The following ACVR2B variants were observed in gnomAD, a reference collection of about 807,000 sequenced individuals.
ACVR2B encodes the protein activin receptor type-2B.
Under a neutral mutation model 65.1 loss-of-function variants are expected in ACVR2B, and 18 were observed. The observed-to-expected ratio is 0.28, with a 90% CI of 0.19 to 0.41. The LOEUF (loss-of-function observed/expected upper bound fraction) is 0.41, where lower values mean the gene tolerates loss of function less well. ACVR2B is among the 10% of genes least tolerant of loss of function. The pLI is 1.00. For synonymous variants in ACVR2B, 298 were observed against 277.7 expected (o/e 1.07, Z -0.73); for missense variants, 482 against 682.7 (o/e 0.71, Z 3.28).
chr3:38,477,367 G>C lies in ACVR2B; in HGVS notation c.133G>C (p.Gly45Arg), dbSNP rs1709929639. 2 of 1,614,160 alleles carry C rather than the reference G, an allele frequency of 1.2e-6. No homozygotes were observed. Among genetic ancestry groups the C allele is most frequent in the Non-Finnish European group, 1.7e-6 (2 of 1,180,016 alleles). Residue 45 changes from glycine (G) to arginine (R), a missense_variant, in exon 2 of 11, where the codon GGC (glycine) becomes CGC (arginine). By Grantham distance (125) the Gly-to-Arg change is moderately radical (BLOSUM62 -2). Around this residue, in one of 5 missense-constraint regions of ACVR2B, gnomAD observed 85 missense variants for 137.3 expected, o/e 0.62. Coordinates refer to ENST00000352511, the MANE Select transcript of ACVR2B (RefSeq NM_001106.4). This position sits in a 1 kb window ranked among gnomAD's most constrained non-coding sequence, Gnocchi z 6.7. ...GGAGCTGGAGCGCACCAACCAGAGC[G>C]GCCTGGAGCGCTGCGAAGGCGAGCA... ...NWELERTNQS[G>R]LERCEGEQDK... is the part of the protein sequence containing the mutation.
In ACVR2B at chr3:38,483,682, C is replaced by T. The variant is rs989575413; in HGVS notation, c.*350C>T. 1.9e-5 allele frequency: 3 copies of T among 156,830 alleles called. No individual in the cohort carries two copies. Among genetic ancestry groups the T allele is most frequent in the East Asian group, 1.9e-4 (1 of 5,356 alleles). The allele number at this position is 156,830 out of a possible 1,614,324, so 9.7% of individuals were successfully genotyped here. A position where few individuals can be genotyped will look rare whatever the true frequency, so the allele number is the denominator to read the frequency against. On this transcript the variant is annotated 3_prime_UTR_variant, in exon 11 of 11. Transcript: ENST00000352511. This position sits in a 1 kb window ranked among gnomAD's most constrained non-coding sequence, Gnocchi z 4.8. ...TTTTTCCCGCTTTCTCTTTGTTTGT[C>T]GTCTCAGAATCTGTGACACAAAGAA...
At chr3:38,476,866 C>A in intron 1 of ACVR2B, 1 of 303,444 alleles carries the variant, frequency 3.3e-6, no homozygotes, top group South Asian at 3.9e-5. Flanking sequence ...TTCCGATGTG[C>A]ACTGGGGTTT....
In ACVR2B at chr3:38,490,104, G is replaced by A. The variant is rs920437732; in HGVS notation, c.*6772G>A. The stretch of plus-strand genomic sequence containing the variant: ...AAGCTCAGCATCACTGCCACAATAC[G>A]GAAAGTGGTCTTCATTTTAGCCTAT... On this transcript the variant is annotated 3_prime_UTR_variant, in exon 11 of 11. Transcript: ENST00000352511. 2 of 152,228 alleles carry A rather than the reference G, an allele frequency of 1.3e-5. No individual in the cohort carries two copies. The highest frequency in any genetic ancestry group is 2.4e-5 in the African/African-American group (1 of 41,428). 9.4% of individuals were successfully genotyped at this position (152,228 alleles called of 1,614,324 possible).
chr3:38,463,614 G>C (rs184694485), intron 1 of ACVR2B, among the ~76,000 whole-genome samples: 326 of 152,264 alleles, frequency 2.1e-3, no homozygotes, highest in African/African-American at 7.7e-3. Flanking sequence ...TTACTGTTAT[G>C]TTGGGATTCT....
rs1296408739 is a variant in ACVR2B, at chr3:38,488,615, C to T, written c.*5283C>T. On this transcript the variant is annotated 3_prime_UTR_variant, in exon 11 of 11. Coordinates refer to ENST00000352511, the MANE Select transcript of ACVR2B (RefSeq NM_001106.4). ...AATTTACCATTATTTAAATTATTACCAAGTTTTTACATTTTCATGATGGTA... is the reference window on the plus strand; with the variant it reads ...AATTTACCATTATTTAAATTATTACTAAGTTTTTACATTTTCATGATGGTA... 1 of 152,030 alleles carries T rather than the reference C, an allele frequency of 6.6e-6. No homozygotes were observed. Among genetic ancestry groups the T allele is most frequent in the Non-Finnish European group, 1.5e-5 (1 of 67,994 alleles). The allele number at this position is 152,030 out of a possible 1,614,324, so 9.4% of individuals were successfully genotyped here. A position where few individuals can be genotyped will look rare whatever the true frequency, so the allele number is the denominator to read the frequency against.
chr3:38,473,193 C>T (rs926449372), intron 1 of ACVR2B, among the ~76,000 whole-genome samples: 1 of 152,200 alleles, frequency 6.6e-6, no homozygotes, highest in South Asian at 2.1e-4. Flanking sequence ...TTTATTTCAG[C>T]TTCCTTTGGA....
chr3:38,459,627 G>C (rs1709607967), intron 1 of ACVR2B: 1 of 985,324 alleles, frequency 1.0e-6, no homozygotes, highest in Non-Finnish European at 1.2e-6. Context: ...GAGCCGCAGA[G>C]GCTGTGGGCC....
chr3:38,480,497 C>G (rs1474081623), intron 7 of ACVR2B, among the ~76,000 whole-genome samples: 2 of 152,154 alleles, frequency 1.3e-5, no homozygotes, highest in African/African-American at 4.8e-5. Context: ...CTCTGTCTTG[C>G]AGATGGAGGA....
At chr3:38,469,514 A>G (rs1351175570) in intron 1 of ACVR2B, among the ~76,000 whole-genome samples, 1 of 152,198 alleles carries the variant, frequency 6.6e-6, no homozygotes, top group East Asian at 1.9e-4. Flanking sequence ...GAGACTGGGT[A>G]GGGTTGGGGT....
chr3:38,454,469 C>T (rs1379969328), intron 1 of ACVR2B, 95 bp downstream of exon 1: 26 of 1,085,450 alleles, frequency 2.4e-5, no homozygotes, highest in Admixed American at 8.8e-5. Flanking sequence ...GGGCCCGGGG[C>T]CTCGTCGCCG....
intron 1 of ACVR2B, chr3:38,474,268 G>C (rs1287245633): frequency 6.6e-6 from 1 of 152,348 alleles, no homozygotes; most frequent in Non-Finnish European, 1.5e-5. Flanking sequence ...GTGGCAAGTG[G>C]GTGGTCCCTG....
At position 38,486,653 on chromosome 3, in the gene ACVR2B, T is replaced by A. The variant is rs1412341384; in HGVS notation, c.*3321T>A. The A allele has an allele frequency of 2.0e-5, 3 of 152,130 alleles. No individual in the cohort carries two copies. The highest frequency in any genetic ancestry group is 4.4e-5 in the Non-Finnish European group (3 of 68,030). The allele number at this position is 152,130 out of a possible 1,614,324, so 9.4% of individuals were successfully genotyped here. The stretch of plus-strand genomic sequence containing the variant: ...TTTTCCCTGTCAATGGGAGGGGCTG[T>A]TCCATGCAGGGTGGGAGGGGACCAA... On this transcript the variant is annotated 3_prime_UTR_variant, in exon 11 of 11. Transcript: ENST00000352511.
At chr3:38,460,391 T>C (rs1178472423) in intron 1 of ACVR2B, among the ~76,000 whole-genome samples, 3 of 152,222 alleles carry the variant, frequency 2.0e-5, no homozygotes, top group African/African-American at 4.8e-5. Context: ...TTCTTCTGAC[T>C]CTATTACATT....
chr3:38,483,353 T>C lies in ACVR2B; in HGVS notation c.*21T>C. The stretch of plus-strand genomic sequence containing the variant: ...TCTAAGCCCAGGACATGAGTGTCTG[T>C]CCAGACTCAGTGGATCTGAAGAAAA... On this transcript the variant is annotated 3_prime_UTR_variant, in exon 11 of 11. Transcript: ENST00000352511. This position sits in a 1 kb window ranked among gnomAD's most constrained non-coding sequence, Gnocchi z 4.8. 6.2e-7 allele frequency: 1 copy of C among 1,613,690 alleles called. No individual in the cohort carries two copies. The highest frequency in any genetic ancestry group is 8.5e-7 in the Non-Finnish European group (1 of 1,179,700).
rs7372849 is a variant in ACVR2B, at chr3:38,482,837, G to C, written c.1344+277G>C. On this transcript the variant is annotated intron_variant, in intron 10 of 10. Coordinates refer to ENST00000352511, the MANE Select transcript of ACVR2B (RefSeq NM_001106.4). ...ATATCAGCACTTCAAGGCAAGTAGTGGTGTCTATCCTAGTAGGGGCCTTGG... is the reference window on the plus strand; with the variant it reads ...ATATCAGCACTTCAAGGCAAGTAGTCGTGTCTATCCTAGTAGGGGCCTTGG... 0.46 allele frequency among the ~76,000 whole-genome samples: 69,839 copies of C among 151,888 alleles called. 17,412 individuals carry two copies. Among genetic ancestry groups the C allele is most frequent in the Non-Finnish European group, 0.57 (38,922 of 67,920 alleles).
chr3:38,486,642 G>A lies in ACVR2B; in HGVS notation c.*3310G>A, dbSNP rs1303737640. ...GCCTGGCATCATTTTCCCTGTCAAT[G>A]GGAGGGGCTGTTCCATGCAGGGTGG... On this transcript the variant is annotated 3_prime_UTR_variant, in exon 11 of 11. Transcript: ENST00000352511. The A allele has an allele frequency of 1.3e-5, 2 of 152,174 alleles. No individual in the cohort carries two copies. The highest frequency in any genetic ancestry group is 2.9e-5 in the Non-Finnish European group (2 of 68,052). The allele number at this position is 152,174 out of a possible 1,614,324, so 9.4% of individuals were successfully genotyped here.
In ACVR2B at chr3:38,454,334, C is replaced by A; in HGVS notation, c.12C>A (p.Pro4=). 1 of 1,300,520 alleles carries A rather than the reference C, an allele frequency of 7.7e-7. No individual in the cohort carries two copies. The highest frequency in any genetic ancestry group is 9.8e-7 in the Non-Finnish European group (1 of 1,024,400). 80.6% of individuals were successfully genotyped at this position (1,300,520 alleles called of 1,614,324 possible). A position where few individuals can be genotyped will look rare whatever the true frequency, so the allele number is the denominator to read the frequency against. ...CGGCGCCGCGGAACATGACGGCGCCCTGGGTGGCCCTCGCCCTCCTCTGGG... is the reference window on the plus strand; with the variant it reads ...CGGCGCCGCGGAACATGACGGCGCCATGGGTGGCCCTCGCCCTCCTCTGGG... MTA[P]WVALALLWGS... The change falls in exon 1 of 11, where the codon CCC becomes CCA. Residue 4 remains proline (P), a synonymous_variant. Transcript: ENST00000352511.
At chr3:38,462,185 C>T (rs1230771697) in intron 1 of ACVR2B, among the ~76,000 whole-genome samples, 1 of 151,926 alleles carries the variant, frequency 6.6e-6, no homozygotes, top group Non-Finnish European at 1.5e-5. Context: ...CAGAGCGAGA[C>T]TCCATCTCAA....
chr3:38,477,261 G>A lies in ACVR2B; in HGVS notation c.53-26G>A. ...GGTGGTGGTCCCAGGGGCATGCTCA[G>A]TGGTTCTCTTTTCTCTGGGGCACAG... On this transcript the variant is annotated intron_variant, in intron 1 of 10. Transcript: ENST00000352511. The surrounding 1 kb of genome is among the most constrained non-coding windows in gnomAD (Gnocchi z 6.7). The A allele has an allele frequency of 2.5e-6, 4 of 1,613,352 alleles. No homozygotes were observed. The highest frequency in any genetic ancestry group is 3.4e-6 in the Non-Finnish European group (4 of 1,179,594).
Sources: allele counts gnomAD v4.1 joint callset (sites outside exome capture counted in the v4.1 genomes callset), GRCh38; gene constraint gnomAD v4.1.1; regional missense constraint gnomAD v4.1.1; non-coding constraint Gnocchi (gnomAD v3.1); transcripts MANE v1.5; gene names NCBI Gene and HGNC (gene_info 2026-07-23, HGNC 2026-07-21).